Variants in CLDN16 observed in about 807,000 individuals in gnomAD.
CLDN16 encodes the protein claudin 16, also known as claudin-16.
In CLDN16, 13 loss-of-function variants were observed where a neutral mutation model predicts 24.6. The observed-to-expected ratio is 0.53, with a 90% CI of 0.34 to 0.84. The LOEUF (loss-of-function observed/expected upper bound fraction) is 0.84, where lower values mean the gene tolerates loss of function less well. Ranked by LOEUF, CLDN16 falls within the 40% of genes least tolerant of loss-of-function variation. The pLI, the probability that CLDN16 is intolerant of heterozygous loss-of-function variation, is 0.01. For missense variants in CLDN16, 298 were observed against 292.7 expected (o/e 1.02, Z -0.13); for synonymous variants, 116 against 106.7 (o/e 1.09, Z -0.54).
chr3:190,335,546 C>T (rs1432986429), intron 1 of CLDN16, among the ~76,000 whole-genome samples: 8 of 151,812 alleles, frequency 5.3e-5, no homozygotes, highest in Admixed American at 5.2e-4. Flanking sequence ...AACCCTGTCT[C>T]TACTAAAATA....
intron 4 of CLDN16, among the ~76,000 whole-genome samples, chr3:190,409,260 A>ATATGCACACATGTATATGTATGTATG (rs1183112394): frequency 3.3e-5 from 5 of 151,648 alleles, no homozygotes; most frequent in African/African-American, 1.2e-4. Context: ...ATGCATGTAT[A>ATATGCACACATGTATATGTATGTATG]TATGCACACA....
At chr3:190,297,721 T>G in the CLDN16 span, among the ~76,000 whole-genome samples, 1 of 136,528 alleles carries the variant, frequency 7.3e-6, no homozygotes, top group African/African-American at 2.7e-5. Context: ...TTACATATAT[T>G]TATTTTTCAG....
chr3:190,406,889 C>T (rs1719117466), intron 3 of CLDN16, among the ~76,000 whole-genome samples: 1 of 151,788 alleles, frequency 6.6e-6, no homozygotes, highest in Non-Finnish European at 1.5e-5. Context: ...CTACAGGCGC[C>T]CACCACCACG....
intron 1 of CLDN16, among the ~76,000 whole-genome samples, chr3:190,336,064 C>A (rs79144353): frequency 1.3e-5 from 2 of 151,852 alleles, no homozygotes; most frequent in South Asian, 2.1e-4. Context: ...GATTATGGAA[C>A]GTGGAATTTG....
chr3:190,402,493 T>C (rs570599662), intron 2 of CLDN16, 54 bp downstream of exon 2: 4 of 1,344,464 alleles, frequency 3.0e-6, no homozygotes, highest in South Asian at 1.2e-5. Flanking sequence ...GACAGAAAAC[T>C]GAGTTCAGGT....
At chr3:190,314,009 T>G in the CLDN16 span, among the ~76,000 whole-genome samples, 1 of 152,216 alleles carries the variant, frequency 6.6e-6, no homozygotes, top group South Asian at 2.1e-4. Flanking sequence ...GATCACTATA[T>G]CATTGACAGT....
upstream of CLDN16, among the ~76,000 whole-genome samples, chr3:190,387,595 A>G (rs1041190550): frequency 2.0e-5 from 3 of 152,220 alleles, no homozygotes; most frequent in African/African-American, 4.8e-5. Context: ...CTCTCAGACC[A>G]TAAATTCAGA....
chr3:190,322,721 GT>G (rs2108617340), intron 1 of CLDN16: 1 of 176,998 alleles, frequency 5.6e-6, no homozygotes, highest in Admixed American at 6.0e-5. Context: ...ACTATGCACT[GT>G]ACTTGTAAAT....
At chr3:190,308,552 C>T in the CLDN16 span, 3 of 968,594 alleles carry the variant, frequency 3.1e-6, no homozygotes, top group Non-Finnish European at 4.8e-6. Flanking sequence ...GAAAATAACC[C>T]CTGAATATCC....
chr3:190,300,696 C>G, the CLDN16 span, among the ~76,000 whole-genome samples: 1 of 152,214 alleles, frequency 6.6e-6, no homozygotes, highest in Non-Finnish European at 1.5e-5. Flanking sequence ...ACTCCTGCTG[C>G]CTTTTCCTAT....
chr3:190,294,270 G>C, the CLDN16 span, among the ~76,000 whole-genome samples: 6 of 152,164 alleles, frequency 3.9e-5, no homozygotes, highest in Admixed American at 1.3e-4. Context: ...TAGACACTTA[G>C]TTCAACTAAA....
intron 1 of CLDN16, among the ~76,000 whole-genome samples, chr3:190,328,676 A>ACGT: frequency 8.4e-6 from 1 of 118,426 alleles, no homozygotes; most frequent in Non-Finnish European, 1.7e-5. Context: ...CATTCTACGT[A>ACGT]AAAAAAAAAA....
In CLDN16 at chr3:190,388,239, A is replaced by G; in HGVS notation, c.-91A>G. 1 of 1,614,026 alleles carries G rather than the reference A, an allele frequency of 6.2e-7. No individual in the cohort carries two copies. The highest frequency in any genetic ancestry group is 1.3e-5 in the African/African-American group (1 of 75,028). On this transcript the variant is annotated 5_prime_UTR_variant, in exon 1 of 5. Transcript: ENST00000264734. Reference sequence around the variant, plus strand: ...GACCAGTATTTTCACATTGCCAGGTACCAGAAACACAGAAGACTGACACCC... The same window carrying G: ...GACCAGTATTTTCACATTGCCAGGTGCCAGAAACACAGAAGACTGACACCC...
At chr3:190,399,526 A>C (rs1346965789) in intron 1 of CLDN16, among the ~76,000 whole-genome samples, 1 of 142,404 alleles carries the variant, frequency 7.0e-6, no homozygotes, top group Non-Finnish European at 1.5e-5. Context: ...AATTGTTTTT[A>C]AACATTTGTA....
At chr3:190,297,520 A>G in the CLDN16 span, among the ~76,000 whole-genome samples, 2 of 142,606 alleles carry the variant, frequency 1.4e-5, no homozygotes, top group Admixed American at 7.3e-5. Context: ...ATAGATATGT[A>G]TATATATATT....
At chr3:190,295,779 A>AG in the CLDN16 span, among the ~76,000 whole-genome samples, 1 of 152,254 alleles carries the variant, frequency 6.6e-6, no homozygotes, top group East Asian at 1.9e-4. Context: ...AACTAAATGT[A>AG]GAAATACACA....
chr3:190,381,453 A>C (rs1718367965), intron 3 of CLDN16, among the ~76,000 whole-genome samples: 1 of 151,962 alleles, frequency 6.6e-6, no homozygotes, highest in Non-Finnish European at 1.5e-5. Flanking sequence ...ATCACCTGCC[A>C]CTCCAGCTTC....
intron 1 of CLDN16, among the ~76,000 whole-genome samples, chr3:190,399,778 C>A (rs1177403740): frequency 6.6e-6 from 1 of 152,114 alleles, no homozygotes; most frequent in African/African-American, 2.4e-5. Context: ...AGGCCACAGA[C>A]CAGTACTAGT....
At chr3:190,409,186 A>ACACACGTATATGCATGTATATATG (rs1491109328) in intron 4 of CLDN16, among the ~76,000 whole-genome samples, 10,435 of 96,790 alleles carry the variant, frequency 0.11, 1,928 homozygotes, top group East Asian at 0.16. Context: ...ATGTATATAT[A>ACACACGTATATGCATGTATATATG]CACACACGTA....
Sources: allele counts gnomAD v4.1 joint callset (sites outside exome capture counted in the v4.1 genomes callset), GRCh38; gene constraint gnomAD v4.1.1; transcripts MANE v1.5; gene names NCBI Gene and HGNC (gene_info 2026-07-23, HGNC 2026-07-21).